The following PDE1C variants were observed in gnomAD, a reference collection of about 807,000 sequenced individuals.
PDE1C encodes phosphodiesterase 1C.
In PDE1C, 62 loss-of-function variants were observed where a neutral mutation model predicts 93.1. That is an observed-to-expected ratio of 0.67 (90% confidence interval 0.54 to 0.82). The LOEUF (loss-of-function observed/expected upper bound fraction) is 0.82. PDE1C is among the 40% of genes least tolerant of loss of function. The pLI is 0.00. For synonymous variants in PDE1C, 325 were observed against 310.1 expected, an observed-to-expected ratio of 1.05 and a Z score of -0.50; for missense variants, 742 against 884.6, an observed-to-expected ratio of 0.84 and a Z score of 2.04.
chr7:31,930,676 T>C (rs569256296), intron 2 of PDE1C, among the ~76,000 whole-genome samples: 8 of 151,282 alleles, frequency 5.3e-5, no homozygotes, highest in East Asian at 2.0e-4. Context: ...TCATCTCTAC[T>C]AAAAATACAA....
intron 2 of PDE1C, among the ~76,000 whole-genome samples, chr7:31,915,670 G>C (rs762365249): frequency 1.3e-5 from 2 of 152,116 alleles, no homozygotes; most frequent in Non-Finnish European, 2.9e-5. Context: ...CCACCACAGA[G>C]GTTACTGTGA....
intron 2 of PDE1C, among the ~76,000 whole-genome samples, chr7:31,944,273 C>T (rs913557267): frequency 2.0e-5 from 3 of 152,214 alleles, no homozygotes; most frequent in South Asian, 2.1e-4. Flanking sequence ...GAGCACTCAC[C>T]TGGGCCAAGC....
At chr7:32,161,427 C>G (rs1272028148) in intron 3 of PDE1C, among the ~76,000 whole-genome samples, 4 of 152,178 alleles carry the variant, frequency 2.6e-5, no homozygotes, top group African/African-American at 7.2e-5. Flanking sequence ...CTTCACACAT[C>G]AAATACTCTA....
intron 1 of PDE1C, among the ~76,000 whole-genome samples, chr7:32,281,447 T>C (rs1811621212): frequency 6.6e-6 from 1 of 152,180 alleles, no homozygotes; most frequent in African/African-American, 2.4e-5. Flanking sequence ...AGGCCAGGTA[T>C]GGTGGTTCAC....
chr7:32,227,312 A>G (rs34979989), intron 1 of PDE1C, among the ~76,000 whole-genome samples: 18,341 of 152,180 alleles, frequency 0.12, 1,193 homozygotes, highest in East Asian at 0.23. Flanking sequence ...TCCTCAGGGA[A>G]GCCCACCCTA....
At chr7:31,652,478 G>C in the PDE1C span, 44 of 1,539,614 alleles carry the variant, frequency 2.9e-5, no homozygotes, top group Non-Finnish European at 3.6e-5. Context: ...GTGCCAATGT[G>C]ATGTGCTGTT....
At chr7:32,402,628 C>T (rs2128095847) in intron 1 of PDE1C, among the ~76,000 whole-genome samples, 1 of 152,276 alleles carries the variant, frequency 6.6e-6, no homozygotes, top group South Asian at 2.1e-4. Flanking sequence ...TGCTTACAGG[C>T]ACACCCAGAA....
intron 2 of PDE1C, among the ~76,000 whole-genome samples, chr7:31,977,392 T>C (rs1296596637): frequency 6.6e-6 from 1 of 152,212 alleles, no homozygotes; most frequent in Non-Finnish European, 1.5e-5. Context: ...CTTTTCTTTA[T>C]AGATTACCCA....
At chr7:32,388,015 A>G (rs1486147918) in intron 1 of PDE1C, among the ~76,000 whole-genome samples, 1 of 152,228 alleles carries the variant, frequency 6.6e-6, no homozygotes, top group Non-Finnish European at 1.5e-5. Flanking sequence ...TTAATGTAGT[A>G]TGTAACAGTT....
chr7:32,013,961 A>C (rs1183417754), intron 2 of PDE1C, among the ~76,000 whole-genome samples: 2 of 152,250 alleles, frequency 1.3e-5, no homozygotes, highest in Non-Finnish European at 2.9e-5. Context: ...TCTCAAAAGA[A>C]TTTCAACTTA....
intron 2 of PDE1C, among the ~76,000 whole-genome samples, chr7:31,945,513 A>C (rs1806495769): frequency 6.6e-6 from 1 of 151,972 alleles, no homozygotes. Context: ...TAGATGGGTA[A>C]TTTCTTTTTC....
chr7:32,254,554 A>G (rs1196750483), intron 1 of PDE1C, among the ~76,000 whole-genome samples: 1 of 152,196 alleles, frequency 6.6e-6, no homozygotes, highest in African/African-American at 2.4e-5. Flanking sequence ...CAATAAATAA[A>G]TGCAGTTTTC....
chr7:32,386,877 A>AT (rs1289822047), intron 1 of PDE1C, among the ~76,000 whole-genome samples: 3 of 150,748 alleles, frequency 2.0e-5, no homozygotes, highest in Admixed American at 1.3e-4. Context: ...TCATTTTTTT[A>AT]TTTTTATTTT....
chr7:32,179,070 C>T lies in PDE1C; in HGVS notation c.137-9114G>A, dbSNP rs117181286. On this transcript the variant is annotated intron_variant, in intron 2 of 18. Coordinates refer to the PDE1C transcript ENST00000396193. ...AGAGTTAGAAAACATTACTTTGACC[C>T]AAAATTCTCATTCTCCTAATCCAAG... Among the ~76,000 whole-genome samples, 44 of 152,248 alleles carry T rather than the reference C, an allele frequency of 2.9e-4. 2 individuals carry two copies. The East Asian group carries it at 8.3e-3, about 29-fold the overall frequency.
chr7:31,619,488 T>G, the PDE1C span, among the ~76,000 whole-genome samples: 2 of 152,184 alleles, frequency 1.3e-5, no homozygotes, highest in African/African-American at 4.8e-5. Context: ...AAAGTTACTG[T>G]ATCATAGCAT....
intron 3 of PDE1C, among the ~76,000 whole-genome samples, chr7:32,082,287 C>T (rs1269395441): frequency 6.5e-4 from 99 of 152,336 alleles, no homozygotes; most frequent in African/African-American, 2.3e-3. Context: ...GATCAAACTG[C>T]AAGGTGGCAG....
At chr7:31,810,502 C>G (rs960293190) in intron 15 of PDE1C, among the ~76,000 whole-genome samples, 1 of 152,138 alleles carries the variant, frequency 6.6e-6, no homozygotes, top group Non-Finnish European at 1.5e-5. Flanking sequence ...AAGTAGACAA[C>G]TTCATCAAAG....
intron 3 of PDE1C, among the ~76,000 whole-genome samples, chr7:32,106,090 C>G (rs55977466): frequency 0.2 from 30,909 of 151,714 alleles, 3,791 homozygotes; most frequent in Middle Eastern, 0.31. Context: ...TGGCTCACTA[C>G]AGCCTCGACC....
At chr7:31,883,471 T>A in intron 2 of PDE1C, among the ~76,000 whole-genome samples, 1 of 152,234 alleles carries the variant, frequency 6.6e-6, no homozygotes, top group Admixed American at 6.5e-5. Flanking sequence ...GAAAATGAGC[T>A]GACACGTCTC....
Sources: allele counts gnomAD v4.1 joint callset (sites outside exome capture counted in the v4.1 genomes callset), GRCh38; gene constraint gnomAD v4.1.1; transcripts MANE v1.5; gene names NCBI Gene and HGNC (gene_info 2026-07-23, HGNC 2026-07-21).